SENP7: variants seen among roughly 807,000 people sequenced by gnomAD.
SENP7 encodes sentrin-specific protease 7.
SENP7 carries 64 observed loss-of-function variants against 141.2 expected under a neutral mutation model. The observed-to-expected ratio is 0.45, with a 90% CI of 0.37 to 0.56. The LOEUF is 0.56. Among genes scored for constraint, SENP7 ranks in the 20% least tolerant of loss-of-function variants. The pLI is 0.00. For synonymous variants in SENP7, 382 were observed against 426.4 expected (o/e 0.90, Z 1.28); for missense variants, 1,025 against 1,212.2 (o/e 0.85, Z 2.29).
intron 2 of SENP7, among the ~76,000 whole-genome samples, chr3:101,499,535 A>ATTTTTTTTTTTTTTTT (rs55855998): frequency 8.0e-4 from 111 of 138,716 alleles, no homozygotes; most frequent in African/African-American, 1.6e-3. Flanking sequence ...TGCCCAGCTA[A>ATTTTTTTTTTTTTTTT]TTTTTTTTTT....
chr3:101,466,883 C>T (rs2063775631), intron 3 of SENP7, among the ~76,000 whole-genome samples: 1 of 152,098 alleles, frequency 6.6e-6, no homozygotes, highest in East Asian at 1.9e-4. Flanking sequence ...GGCGGGGAGT[C>T]GCCTCACCCG....
chr3:101,399,258 C>G (rs1212947374), intron 5 of SENP7, among the ~76,000 whole-genome samples: 1 of 152,204 alleles, frequency 6.6e-6, no homozygotes, highest in Non-Finnish European at 1.5e-5. Context: ...TGTTTCTTAT[C>G]ACTTATAACA....
intron 11 of SENP7, chr3:101,357,938 G>T: frequency 3.0e-6 from 2 of 663,076 alleles, no homozygotes; most frequent in Non-Finnish European, 4.9e-6. Flanking sequence ...CAGATGTAGA[G>T]AACGTGGCAA....
At chr3:101,510,149 C>G (rs1447618898) in intron 1 of SENP7, among the ~76,000 whole-genome samples, 1 of 152,224 alleles carries the variant, frequency 6.6e-6, no homozygotes, top group Non-Finnish European at 1.5e-5. Context: ...TGTTGTTTAA[C>G]ACTTTTAATG....
In SENP7 at chr3:101,324,731, C is replaced by T. The variant is rs2058857529; in HGVS notation, c.*1212G>A. The T allele has an allele frequency of 6.6e-6, 1 of 151,964 alleles. No homozygotes were observed. Among genetic ancestry groups the T allele is most frequent in the African/African-American group, 2.4e-5 (1 of 41,430 alleles). The allele number at this position is 151,964 out of a possible 1,614,324, so 9.4% of individuals were successfully genotyped here. On this transcript the variant is annotated 3_prime_UTR_variant, in exon 24 of 24. Coordinates refer to ENST00000394095, the MANE Select transcript of SENP7 (RefSeq NM_020654.5). ...TGCTTTATGTAGTTATAATGTAAAT[C>T]TAAGAGATGCTTAAAACAGATTAAA... is the stretch of plus-strand genomic sequence containing the variant.
chr3:101,367,516 T>C (rs1239663591), intron 8 of SENP7, among the ~76,000 whole-genome samples: 1 of 151,912 alleles, frequency 6.6e-6, no homozygotes, highest in Non-Finnish European at 1.5e-5. Flanking sequence ...ATGAATAGTA[T>C]TTGGCTGAAA....
intron 16 of SENP7, among the ~76,000 whole-genome samples, chr3:101,339,137 T>C (rs983580145): frequency 6.6e-6 from 1 of 152,214 alleles, no homozygotes; most frequent in Non-Finnish European, 1.5e-5. Context: ...AAGACCCACA[T>C]TTAATTCCTA....
intron 4 of SENP7, among the ~76,000 whole-genome samples, chr3:101,420,834 C>A (rs1176132553): frequency 1.3e-5 from 2 of 152,036 alleles, no homozygotes; most frequent in Non-Finnish European, 2.9e-5. Context: ...GTCTGGACTC[C>A]TCAAAACTCA....
intron 2 of SENP7, among the ~76,000 whole-genome samples, chr3:101,494,260 C>T (rs932551031): frequency 6.6e-6 from 1 of 152,124 alleles, no homozygotes; most frequent in Non-Finnish European, 1.5e-5. Context: ...CCAGAGTTCT[C>T]TAATACATAA....
chr3:101,331,801 A>G (rs1393728695), intron 19 of SENP7, among the ~76,000 whole-genome samples, 184 bp downstream of exon 19: 1 of 152,192 alleles, frequency 6.6e-6, no homozygotes, highest in Non-Finnish European at 1.5e-5. Flanking sequence ...AAAACTTGAT[A>G]TAACAGTACA....
intron 11 of SENP7, chr3:101,358,924 C>CA: frequency 6.5e-6 from 1 of 152,794 alleles, no homozygotes; most frequent in Non-Finnish European, 1.5e-5. Flanking sequence ...CATGAGCCAC[C>CA]ATGCCTAGTC....
chr3:101,429,569 T>C (rs2062084680), intron 4 of SENP7, among the ~76,000 whole-genome samples: 1 of 152,210 alleles, frequency 6.6e-6, no homozygotes, highest in Admixed American at 6.5e-5. Flanking sequence ...AAGTTGCTTC[T>C]CAGCTTAAGG....
At chr3:101,438,053 GA>G (rs1213143795) in intron 4 of SENP7, among the ~76,000 whole-genome samples, 4 of 151,982 alleles carry the variant, frequency 2.6e-5, no homozygotes, top group Non-Finnish European at 4.4e-5. Context: ...AGTTGTTCAA[GA>G]AATTAAAAAT....
At position 101,364,887 on chromosome 3, in the gene SENP7, T is replaced by C. The variant is rs2059995123; in HGVS notation, c.1423A>G (p.Thr475Ala). ...AGTTCTAACAATGCTGATTCAGAAG[T>C]ACTCTCATTTTCATTAGTTGTCTCA... ...DRETTNENES[T>A]SESALLELPL... Residue 475 changes from threonine to alanine, a missense_variant, in exon 10 of 24, where the codon ACT becomes GCT. Thr to Ala is a moderately conservative substitution (Grantham distance 58, BLOSUM62 0). Around this residue, in one of 4 missense-constraint regions of SENP7, gnomAD observed 228 missense variants for 228.5 expected, o/e 1.00. Transcript: ENST00000394095. 3 of 1,603,704 alleles carry C rather than the reference T, an allele frequency of 1.9e-6. No homozygotes were observed. Among genetic ancestry groups the C allele is most frequent in the Admixed American group, 1.7e-5 (1 of 58,740 alleles).
At chr3:101,428,972 G>A (rs192994733) in intron 4 of SENP7, among the ~76,000 whole-genome samples, 3 of 152,216 alleles carry the variant, frequency 2.0e-5, no homozygotes, top group Admixed American at 1.3e-4. Flanking sequence ...GCTTGTTTTT[G>A]TCAGGTTTGT....
At chr3:101,489,029 T>C (rs1225991402) in intron 3 of SENP7, among the ~76,000 whole-genome samples, 2 of 152,026 alleles carry the variant, frequency 1.3e-5, no homozygotes, top group Non-Finnish European at 2.9e-5. Context: ...AGAAAAGATA[T>C]TACAACTAAG....
chr3:101,492,902 G>C (rs1443431052), intron 3 of SENP7, among the ~76,000 whole-genome samples: 1 of 152,044 alleles, frequency 6.6e-6, no homozygotes, highest in African/African-American at 2.4e-5. Flanking sequence ...TGGGCAGCAA[G>C]ATCACTCGAG....
In SENP7 at chr3:101,343,888, A is replaced by C; in HGVS notation, c.1904T>G (p.Leu635Arg). ...ACTTATTTCCGTCATAATATCTTTC[A>C]GCTTCAATTCTTCTCTTTGTGAAAC... ...NPVSQREELK[L>R]KDIMTEISII... The change falls in exon 14 of 24, where the codon CTG (leucine) becomes CGG (arginine). Residue 635 changes from leucine (L) to arginine (R), a missense_variant. Leu to Arg is a moderately radical substitution (Grantham distance 102). Transcript: ENST00000394095. 1 of 1,612,530 alleles carries C rather than the reference A, an allele frequency of 6.2e-7. No homozygotes were observed. The highest frequency in any genetic ancestry group is 8.5e-7 in the Non-Finnish European group (1 of 1,178,906).
chr3:101,368,065 T>C (rs2060084555), intron 7 of SENP7, 54 bp from the exon 8 acceptor site: 1 of 1,425,044 alleles, frequency 7.0e-7, no homozygotes, highest in Admixed American at 2.1e-5. Context: ...AGAGAATCTC[T>C]TTTAGAAAAG....
Sources: gnomAD v4.1 joint callset for allele counts (sites outside exome capture counted in the v4.1 genomes callset) on GRCh38, gnomAD v4.1.1 for gene constraint, gnomAD v4.1.1 regional missense constraint, MANE v1.5 for transcripts, NCBI Gene and HGNC (gene_info 2026-07-23, HGNC 2026-07-21) for gene names.